ZC3H13: variants seen among roughly 807,000 people sequenced by gnomAD.
The protein encoded by ZC3H13 is zinc finger CCCH-type containing 13.
Under a neutral mutation model 204.1 loss-of-function variants are expected in ZC3H13, and 64 were observed. That is an observed-to-expected ratio of 0.31 (90% CI 0.26 to 0.39). The LOEUF is 0.39. Ranked by LOEUF, ZC3H13 falls within the 10% of genes least tolerant of loss-of-function variation. ZC3H13 has a pLI of 1.00. For synonymous variants in ZC3H13, 667 were observed against 693.7 expected (o/e 0.96, Z 0.60); for missense variants, 1,833 against 2,082.7 (o/e 0.88, Z 2.33).
At chr13:45,997,665 TAGA>T (rs1170556162) in intron 8 of ZC3H13, among the ~76,000 whole-genome samples, 5 of 152,106 alleles carry the variant, frequency 3.3e-5, no homozygotes, top group East Asian at 1.9e-4. Flanking sequence ...AGAGAACAGC[TAGA>T]AGGATTTAAA....
At position 46,047,897 on chromosome 13, in the gene ZC3H13, C is replaced by T. The variant is rs941691631; in HGVS notation, c.-9-2381G>A. On this transcript the variant is annotated intron_variant, in intron 1 of 18. Transcript: ENST00000679008. ...AGTTATGTAGAACTTAGAAAACAGG[C>T]ACAACCATCCCACCACACTGCCTCA... Among the ~76,000 whole-genome samples the T allele has an allele frequency of 6.7e-5, 4 of 59,296 alleles. No homozygotes were observed. In the East Asian group the frequency reaches 2.2e-3, roughly 33 times the overall value. The allele number at this position is 59,296 out of a possible 152,430, so 38.9% of individuals were successfully genotyped here. A position where few individuals can be genotyped will look rare whatever the true frequency, so the allele number is the denominator to read the frequency against.
intron 6 of ZC3H13, 43 bp from the exon 7 acceptor site, chr13:46,010,548 T>C (rs761619821): frequency 6.3e-7 from 1 of 1,578,274 alleles, no homozygotes; most frequent in Admixed American, 1.7e-5. Flanking sequence ...TTCCTCCACT[T>C]ATGGTACAAC....
In ZC3H13 at chr13:45,975,436, C is replaced by T. The variant is rs751932383; in HGVS notation, c.2315G>A (p.Arg772Gln). 71 of 1,613,668 alleles carry T rather than the reference C, an allele frequency of 4.4e-5. No individual in the cohort carries two copies. The highest frequency in any genetic ancestry group is 5.7e-5 in the Non-Finnish European group (67 of 1,179,924). ...CCTTTCTCTCGCTCTTTCTCGTTCC[C>T]GTTCTCGCTCTCGCTCTCTCTCCCG... ...RERERERERE[R>Q]ERERARERDK... Residue 772 changes from arginine (R) to glutamine (Q), a missense_variant, in exon 12 of 19, where the codon CGG (arginine) becomes CAG (glutamine). Around this residue, in one of 5 missense-constraint regions of ZC3H13, gnomAD observed 1,574 missense variants for 1,757.2 expected, o/e 0.90. Transcript: ENST00000679008.
chr13:46,011,620 C>T, intron 5 of ZC3H13, 66 bp from the exon 6 acceptor site: 2 of 1,259,724 alleles, frequency 1.6e-6, no homozygotes, highest in Non-Finnish European at 2.2e-6. Flanking sequence ...ATCATACAGA[C>T]TTTTTTCAAC....
chr13:45,975,957 C>A (rs947391079), intron 11 of ZC3H13, 119 bp from the exon 12 acceptor site: 1 of 1,408,448 alleles, frequency 7.1e-7, no homozygotes, highest in Non-Finnish European at 9.3e-7. Flanking sequence ...AATTACAAAC[C>A]AAGTAGCATA....
rs943784358 is a variant in ZC3H13, at chr13:45,967,555, C to G, written c.4270G>C (p.Val1424Leu). 6.2e-7 allele frequency: 1 copy of G among 1,605,658 alleles called. No homozygotes were observed. Among genetic ancestry groups the G allele is most frequent in the Non-Finnish European group, 8.5e-7 (1 of 1,176,398 alleles). The stretch of plus-strand genomic sequence containing the variant: ...TTATTTGTTTCTTCAAATCCCTGCA[C>G]AGATCCCAGATCTTTATCCATTCTC... Reference protein sequence around the residue: ...KERMDKDLGSVQGFEETNKSE... With the variant: ...KERMDKDLGSLQGFEETNKSE... The change falls in exon 15 of 19, where the codon GTG becomes CTG. Residue 1424 changes from valine (V) to leucine (L), a missense_variant. This residue lies in a region of ZC3H13 where 1,574 missense variants were observed against 1,757.2 expected (regional missense o/e 0.90). Transcript: ENST00000679008.
chr13:45,960,112 T>C (rs1048066804), intron 17 of ZC3H13, among the ~76,000 whole-genome samples: 14 of 151,842 alleles, frequency 9.2e-5, no homozygotes, highest in Admixed American at 2.6e-4. Context: ...CCACCACACC[T>C]GGCTAATTTT....
chr13:46,023,250 G>T (rs147896448), intron 4 of ZC3H13, among the ~76,000 whole-genome samples: 1 of 152,014 alleles, frequency 6.6e-6, no homozygotes, highest in African/African-American at 2.4e-5. Flanking sequence ...GACTCTTGGG[G>T]GCAAAAATCT....
intron 8 of ZC3H13, among the ~76,000 whole-genome samples, chr13:45,994,636 T>C (rs1307522989): frequency 2.6e-5 from 4 of 152,210 alleles, no homozygotes; most frequent in Admixed American, 2.6e-4. Flanking sequence ...CGCATGTGGA[T>C]TGTTTTTAAG....
At chr13:46,012,736 G>A (rs573905116) in intron 5 of ZC3H13, among the ~76,000 whole-genome samples, 215 of 152,164 alleles carry the variant, frequency 1.4e-3, no homozygotes, top group African/African-American at 5.0e-3. Flanking sequence ...ATTTAATTAA[G>A]GGCAAGTAGT....
In ZC3H13 at chr13:45,963,881, C is replaced by A; in HGVS notation, c.4636G>T (p.Val1546Phe). The stretch of plus-strand genomic sequence containing the variant: ...AAAAGTCTCTGACATGTTTCTTTGA[C>A]TTTGGCAAAGAGTTCAGAACCTGCC... ...KLAGSELFAK[V>F]KETCQRLLEK... Residue 1546 changes from valine to phenylalanine, a missense_variant, in exon 17 of 19, where the codon GTC becomes TTC. This residue lies in a region of ZC3H13 where 211 missense variants were observed against 228.4 expected (regional missense o/e 0.92). Transcript: ENST00000679008. 3.7e-6 allele frequency: 6 copies of A among 1,614,100 alleles called. No homozygotes were observed. Among genetic ancestry groups the A allele is most frequent in the Non-Finnish European group, 5.1e-6 (6 of 1,179,972 alleles).
chr13:46,049,256 C>A (rs903205326), intron 1 of ZC3H13, among the ~76,000 whole-genome samples: 6 of 151,914 alleles, frequency 3.9e-5, no homozygotes, highest in African/African-American at 1.4e-4. Context: ...TGGGTTACAG[C>A]AAGGTCCTGG....
rs892709190 is a variant in ZC3H13 at position 46,052,637 on chromosome 13, G to T, written c.-243C>A. ...GCCTCTCCAGGGTCAAGCGAAACTG[G>T]GTCGCAGGAAGAAAAATAACGAAGA... On this transcript the variant is annotated 5_prime_UTR_variant, in exon 1 of 19. Transcript: ENST00000679008. 98 of 398,708 alleles carry T rather than the reference G, an allele frequency of 2.5e-4. 1 individual carries two copies. Among genetic ancestry groups the T allele is most frequent in the African/African-American group, 1.9e-3 (94 of 48,734 alleles). 24.7% of individuals were successfully genotyped at this position (398,708 alleles called of 1,614,324 possible).
In ZC3H13 at chr13:45,955,989, CACT is replaced by C. The variant is rs1018329238; in HGVS notation, c.*1135_*1137del. On this transcript the variant is annotated 3_prime_UTR_variant, in exon 19 of 19. Transcript: ENST00000679008. ...TTTGATTGCCTTCTTTTATTATTAT[CACT>C]ACTACTGTCTGCTCACAAATTCTGT... 5.3e-5 allele frequency: 8 copies of C among 152,032 alleles called. No homozygotes were observed. The highest frequency in any genetic ancestry group is 1.9e-4 in the African/African-American group (8 of 41,426). 9.4% of individuals were successfully genotyped at this position (152,032 alleles called of 1,614,324 possible).
rs1952201196 is a variant in ZC3H13, at chr13:45,967,605, C to T, written c.4220G>A (p.Arg1407Gln). Residue 1407 changes from arginine to glutamine, a missense_variant, in exon 15 of 19, where the codon CGA becomes CAA. Coordinates refer to ENST00000679008, the MANE Select transcript of ZC3H13 (RefSeq NM_001330564.2). Reference sequence around the variant, plus strand: ...CTCTTTATCCAAGGCTAGAGAGTCTCGGGAAGTGCTTTCTAGATCCCTTTC... The same window carrying T: ...CTCTTTATCCAAGGCTAGAGAGTCTTGGGAAGTGCTTTCTAGATCCCTTTC... ...EHERDLESTS[R>Q]DSLALDKERM... The T allele has an allele frequency of 8.7e-6, 14 of 1,613,950 alleles. No homozygotes were observed. Among genetic ancestry groups the T allele is most frequent in the Middle Eastern group, 1.6e-4 (1 of 6,082 alleles).
chr13:46,003,009 AAAAT>A (rs1397389872), intron 8 of ZC3H13, 126 bp downstream of exon 8: 13 of 711,326 alleles, frequency 1.8e-5, no homozygotes, highest in Admixed American at 6.5e-5. Flanking sequence ...GGGAATTATT[AAAAT>A]AAATATACAC....
chr13:45,975,727 C>T lies in ZC3H13; in HGVS notation c.2024G>A (p.Arg675Lys), dbSNP rs1009783418. The change falls in exon 12 of 19, where the codon AGG (arginine) becomes AAG (lysine). Residue 675 changes from arginine to lysine, a missense_variant. Physicochemically the swap from Arg to Lys is conservative, Grantham distance 26. Around this residue, in one of 5 missense-constraint regions of ZC3H13, gnomAD observed 1,574 missense variants for 1,757.2 expected, o/e 0.90. Coordinates refer to ENST00000679008, the MANE Select transcript of ZC3H13 (RefSeq NM_001330564.2). ...VDRVDDRRDE[R>K]ARERDRERER... ...TCGTTCCCGATCTCTCTCTCTAGCCCTTTCATCTCTCCTATCATCCACTCT... is the reference window on the plus strand; with the variant it reads ...TCGTTCCCGATCTCTCTCTCTAGCCTTTTCATCTCTCCTATCATCCACTCT... The T allele has an allele frequency of 3.7e-6, 6 of 1,613,838 alleles. No individual in the cohort carries two copies. Among genetic ancestry groups the T allele is most frequent in the African/African-American group, 1.3e-5 (1 of 74,982 alleles).
chr13:46,052,588 A>C lies in ZC3H13; in HGVS notation c.-194T>G, dbSNP rs1214554915. On this transcript the variant is annotated 5_prime_UTR_variant, in exon 1 of 19. Coordinates refer to ENST00000679008, the MANE Select transcript of ZC3H13 (RefSeq NM_001330564.2). ...TAGCGAGGAGCCCCCGGGATGGCTG[A>C]GAAGCAGAACCAACCCGCCCGCCGC... 1 of 398,732 alleles carries C rather than the reference A, an allele frequency of 2.5e-6. No individual in the cohort carries two copies. The allele number at this position is 398,732 out of a possible 1,614,324, so 24.7% of individuals were successfully genotyped here. A position where few individuals can be genotyped will look rare whatever the true frequency, so the allele number is the denominator to read the frequency against.
rs141641275 is a variant in ZC3H13 at position 45,970,462 on chromosome 13, C to T, written c.2472G>A (p.Lys824=). The change falls in exon 13 of 19, where the codon AAG becomes AAA. Residue 824 remains lysine, a synonymous_variant. Transcript: ENST00000679008. ...TGGGACTCCCTTCATTTCTATAGCG[C>T]TTCCTAAATTGGACAAGCAAACACA... ...RDGHDERKSK[K]RYRNEGSPSP... The T allele has an allele frequency of 3.0e-4, 479 of 1,611,118 alleles. 3 individuals carry two copies. The East Asian group carries it at 0.01, about 34-fold the overall frequency.
Sources: allele counts gnomAD v4.1 joint callset (sites outside exome capture counted in the v4.1 genomes callset), GRCh38; gene constraint gnomAD v4.1.1; regional missense constraint gnomAD v4.1.1; transcripts MANE v1.5; gene names NCBI Gene and HGNC (gene_info 2026-07-23, HGNC 2026-07-21).